The following CNIH3 variants were observed in gnomAD, a reference collection of about 807,000 sequenced individuals.
CNIH3 encodes the protein protein cornichon homolog 3.
Under a neutral mutation model 24.1 loss-of-function variants are expected in CNIH3, and 14 were observed. The observed-to-expected ratio is 0.58, with a 90% CI of 0.38 to 0.91. The LOEUF is 0.91. CNIH3 is among the 40% of genes least tolerant of loss of function. CNIH3 has a pLI of 0.00. For synonymous variants in CNIH3, 68 were observed against 73.8 expected (o/e 0.92, Z 0.40); for missense variants, 178 against 196.8 (o/e 0.90, Z 0.57).
At chr1:224,454,279 T>G (rs1675554579) in intron 1 of CNIH3, 4 of 680,240 alleles carry the variant, frequency 5.9e-6, no homozygotes, top group Admixed American at 7.2e-5. Flanking sequence ...TTTTTTCAGA[T>G]CTCTGCTTCT....
intron 4 of CNIH3, among the ~76,000 whole-genome samples, chr1:224,576,917 A>G (rs757568972): frequency 5.9e-5 from 9 of 152,138 alleles, no homozygotes; most frequent in Non-Finnish European, 1.3e-4. Flanking sequence ...AATAAAGCCA[A>G]ATACAGCCAA....
At chr1:224,486,577 G>A (rs1362379142) in intron 1 of CNIH3, among the ~76,000 whole-genome samples, 1 of 152,000 alleles carries the variant, frequency 6.6e-6, no homozygotes, top group African/African-American at 2.4e-5. Context: ...ATATATACAT[G>A]AATATATACG....
At chr1:224,510,720 A>G (rs979203188) in intron 1 of CNIH3, among the ~76,000 whole-genome samples, 3 of 152,118 alleles carry the variant, frequency 2.0e-5, no homozygotes, top group African/African-American at 7.2e-5. Context: ...AAGAGGAAAC[A>G]CAGAGGAGCC....
chr1:224,504,126 C>G (rs960340136), intron 1 of CNIH3, among the ~76,000 whole-genome samples: 5 of 152,206 alleles, frequency 3.3e-5, no homozygotes, highest in African/African-American at 1.2e-4. Flanking sequence ...ATGGATGATG[C>G]CTTCCCGAGT....
chr1:224,454,502 GGAAT>G (rs374027633), intron 1 of CNIH3, among the ~76,000 whole-genome samples: 17 of 152,220 alleles, frequency 1.1e-4, no homozygotes, highest in African/African-American at 4.1e-4. Flanking sequence ...GACCTGGTGA[GGAAT>G]GTTTCCTCTG....
At chr1:224,484,722 T>C (rs571646863) in intron 1 of CNIH3, among the ~76,000 whole-genome samples, 2 of 152,334 alleles carry the variant, frequency 1.3e-5, no homozygotes, top group East Asian at 3.9e-4. Context: ...TATTTTGTGT[T>C]GATGTCTTCA....
intron 3 of CNIH3, chr1:224,717,469 G>T (rs1688487074): frequency 2.0e-5 from 3 of 152,202 alleles, no homozygotes; most frequent in African/African-American, 7.2e-5. Flanking sequence ...TGAATTTAGG[G>T]AAGGGCACAA....
chr1:224,644,489 G>A (rs1272927622), intron 1 of CNIH3, among the ~76,000 whole-genome samples: 1 of 152,188 alleles, frequency 6.6e-6, no homozygotes, highest in Non-Finnish European at 1.5e-5. Context: ...TGATGTCTGA[G>A]GCGATGTCTG....
intron 3 of CNIH3, among the ~76,000 whole-genome samples, chr1:224,710,740 T>C (rs1688094773): frequency 6.6e-6 from 1 of 152,234 alleles, no homozygotes. Flanking sequence ...CCTCATGCCA[T>C]TACTGACACC....
intron 2 of CNIH3, among the ~76,000 whole-genome samples, chr1:224,524,089 A>T (rs979685050): frequency 6.6e-6 from 1 of 152,204 alleles, no homozygotes; most frequent in African/African-American, 2.4e-5. Flanking sequence ...AGCATGATTA[A>T]AAAGGGCCTC....
intron 3 of CNIH3, among the ~76,000 whole-genome samples, chr1:224,608,562 T>C (rs1682537581): frequency 6.6e-6 from 1 of 152,214 alleles, no homozygotes; most frequent in African/African-American, 2.4e-5. Flanking sequence ...TACAATGCTC[T>C]TCCATACAAT....
intron 1 of CNIH3, among the ~76,000 whole-genome samples, chr1:224,672,495 G>T (rs1285821761): frequency 6.6e-6 from 1 of 152,164 alleles, no homozygotes. Context: ...AGACAGATGG[G>T]CCATGTTCCC....
intron 3 of CNIH3, among the ~76,000 whole-genome samples, chr1:224,593,922 A>T (rs1558192843): frequency 6.6e-6 from 1 of 152,176 alleles, no homozygotes; most frequent in Non-Finnish European, 1.5e-5. Context: ...GTGCCTGCCG[A>T]GTAAGAAGTG....
Position 224,498,917 on chromosome 1 carries a change from ATGGGAGCTC to A in CNIH3, n.204-16811_204-16803del, listed in dbSNP as rs1159020894. On this transcript the variant is annotated intron_variant and non_coding_transcript_variant, in intron 1 of 5. Coordinates refer to the CNIH3 transcript ENST00000471578. ...TTCGCATTTTTTTGTGGATCTGAGG[ATGGGAGCTC>A]TGGGAGCTCTGGAGCCTCTTCCTGT... is the stretch of plus-strand genomic sequence containing the variant. 3.9e-5 allele frequency among the ~76,000 whole-genome samples: 6 copies of A among 152,324 alleles called. No homozygotes were observed. In the East Asian group the frequency reaches 1.2e-3, roughly 29 times the overall value.
At chr1:224,488,591 G>A (rs972712770) in intron 1 of CNIH3, among the ~76,000 whole-genome samples, 3 of 151,972 alleles carry the variant, frequency 2.0e-5, no homozygotes, top group African/African-American at 7.3e-5. Context: ...CTCCTGAATA[G>A]GACTGCAAGA....
At chr1:224,577,266 A>C (rs988522467) in intron 4 of CNIH3, among the ~76,000 whole-genome samples, 2 of 152,224 alleles carry the variant, frequency 1.3e-5, no homozygotes, top group East Asian at 3.8e-4. Context: ...CAGAGTAAAC[A>C]GACAACTCAG....
intron 2 of CNIH3, among the ~76,000 whole-genome samples, chr1:224,545,834 G>A (rs991836666): frequency 1.3e-5 from 2 of 152,202 alleles, no homozygotes; most frequent in African/African-American, 4.8e-5. Flanking sequence ...TAGGGCTGCT[G>A]TAACACAATA....
At chr1:224,442,023 T>A (rs1028999977) in intron 1 of CNIH3, among the ~76,000 whole-genome samples, 4 of 148,462 alleles carry the variant, frequency 2.7e-5, no homozygotes, top group African/African-American at 9.9e-5. Flanking sequence ...ATTTTTTTTT[T>A]TTTTTTTTTT....
At chr1:224,572,685 C>T (rs1171656543) in intron 4 of CNIH3, among the ~76,000 whole-genome samples, 1 of 150,104 alleles carries the variant, frequency 6.7e-6, no homozygotes, top group Non-Finnish European at 1.5e-5. Flanking sequence ...ATTTTAATAG[C>T]GATTGTATTC....
Sources: gnomAD v4.1 joint callset for allele counts (sites outside exome capture counted in the v4.1 genomes callset) on GRCh38, gnomAD v4.1.1 for gene constraint, MANE v1.5 for transcripts, NCBI Gene and HGNC (gene_info 2026-07-23, HGNC 2026-07-21) for gene names.